The following NOC4L variants were observed in gnomAD, a reference collection of about 807,000 sequenced individuals.
The protein encoded by NOC4L is nucleolar complex protein 4 homolog.
A neutral mutation model predicts 62.8 loss-of-function variants in NOC4L; 40 were observed. The ratio of observed to expected loss-of-function variants is 0.64; its 90% CI spans 0.49 to 0.83. NOC4L has a LOEUF of 0.83. NOC4L is among the 40% of genes least tolerant of loss of function. The pLI, the probability that NOC4L is intolerant of heterozygous loss-of-function variation, is 0.00. For missense variants in NOC4L, 927 were observed against 701.9 expected, an observed-to-expected ratio of 1.32 and a Z score of -3.62; for synonymous variants, 433 against 299.8, an observed-to-expected ratio of 1.44 and a Z score of -4.59.
intron 3 of NOC4L, 121 bp from the exon 4 acceptor site, chr12:132,147,160 G>A: frequency 1.5e-6 from 1 of 659,634 alleles, no homozygotes; most frequent in Non-Finnish European, 2.4e-6. Flanking sequence ...AGCAAGAGAA[G>A]GCCCGGCCGC....
At position 132,152,426 on chromosome 12, in the gene NOC4L, T is replaced by C. The variant is rs1001292427; in HGVS notation, c.*25T>C. On this transcript the variant is annotated 3_prime_UTR_variant, in exon 15 of 15. Coordinates refer to ENST00000330579, the MANE Select transcript of NOC4L (RefSeq NM_024078.3). Reference sequence around the variant, plus strand: ...ACCCTGGCCCACCTGTGAATAAATCTCAGCTGACCCCAGCCCACCTGTGAA... The same window carrying C: ...ACCCTGGCCCACCTGTGAATAAATCCCAGCTGACCCCAGCCCACCTGTGAA... The C allele has an allele frequency of 6.4e-7, 1 of 1,560,492 alleles. No individual in the cohort carries two copies. The highest frequency in any genetic ancestry group is 1.8e-5 in the Admixed American group (1 of 56,434).
At chr12:132,144,801 G>A (rs1386386840) in intron 1 of NOC4L, 53 bp from the exon 2 acceptor site, 2 of 1,566,392 alleles carry the variant, frequency 1.3e-6, no homozygotes, top group Non-Finnish European at 8.6e-7. Context: ...AGCCTAGGCA[G>A]GGGCGAAGGT....
In NOC4L at chr12:132,145,585, A is replaced by G. The variant is rs776898752; in HGVS notation, c.265A>G (p.Lys89Glu). Residue 89 changes from lysine (K) to glutamate (E), a missense_variant, in exon 3 of 15, where the codon AAG (lysine) becomes GAG (glutamate). Transcript: ENST00000330579. ...TGSQGATRKY[K>E]VWMRHRYHSC... The stretch of plus-strand genomic sequence containing the variant: ...GTCCCAGGGAGCCACACGGAAGTAC[A>G]AGGTGTGGATGAGACACCGCTATCA... 1.9e-6 allele frequency: 3 copies of G among 1,613,066 alleles called. No homozygotes were observed. Among genetic ancestry groups the G allele is most frequent in the East Asian group, 2.2e-5 (1 of 44,862 alleles).
chr12:132,144,775 G>A, intron 1 of NOC4L, 79 bp from the exon 2 acceptor site: 1 of 1,530,242 alleles, frequency 6.5e-7, no homozygotes, highest in Non-Finnish European at 8.8e-7. Context: ...GAGGGGGAAG[G>A]GAACGGGTTG....
rs976124883 is a variant in NOC4L, at chr12:132,147,535, G to T, written c.454-98G>T. On this transcript the variant is annotated intron_variant, in intron 4 of 14. Transcript: ENST00000330579. ...CTCCTGTGGCCCACCCAACCAGGAG[G>T]AGTCTGCCTGGGGGGCTCGATGGGG... 54 of 1,508,660 alleles carry T rather than the reference G, an allele frequency of 3.6e-5. No homozygotes were observed. The Admixed American group carries it at 1.1e-3, about 30-fold the overall frequency. 93.5% of individuals were successfully genotyped at this position (1,508,660 alleles called of 1,614,324 possible). A position where few individuals can be genotyped will look rare whatever the true frequency, so the allele number is the denominator to read the frequency against.
chr12:132,152,256 G>T, intron 14 of NOC4L, 26 bp from the exon 15 acceptor site: 4 of 1,587,934 alleles, frequency 2.5e-6, no homozygotes, highest in Non-Finnish European at 3.4e-6. Flanking sequence ...CCAAGCCTGA[G>T]AGCCGCCGTG....
rs778433035 is a variant in NOC4L, at chr12:132,147,678, C to G, written c.499C>G (p.Leu167Val). The change falls in exon 5 of 15, where the codon CTC (leucine) becomes GTC (valine). Residue 167 changes from leucine (L) to valine (V), a missense_variant. Coordinates refer to ENST00000330579, the MANE Select transcript of NOC4L (RefSeq NM_024078.3). ...GTCTCCTGAGGAGGACCAGAGCCTG[C>G]TCCTGTCCCAGTTCCGGGAGTACCT... ...LLSPEEDQSL[L>V]LSQFREYLDY... 3 of 1,612,814 alleles carry G rather than the reference C, an allele frequency of 1.9e-6. No homozygotes were observed. Among genetic ancestry groups the G allele is most frequent in the Non-Finnish European group, 2.5e-6 (3 of 1,179,954 alleles).
chr12:132,151,265 C>G lies in NOC4L; in HGVS notation c.970C>G (p.Pro324Ala), dbSNP rs765951047. 8 of 1,611,562 alleles carry G rather than the reference C, an allele frequency of 5.0e-6. No individual in the cohort carries two copies. Among genetic ancestry groups the G allele is most frequent in the Non-Finnish European group, 5.9e-6 (7 of 1,179,768 alleles). The change falls in exon 11 of 15, where the codon CCT becomes GCT. Residue 324 changes from proline (P) to alanine (A), a missense_variant. Pro to Ala is a conservative substitution (Grantham distance 27, BLOSUM62 -1). Coordinates refer to ENST00000330579, the MANE Select transcript of NOC4L (RefSeq NM_024078.3). ...CTTCCCCCCGGCCCGCAGGGAGTAC[C>G]CTGACTTCTACCGGAAGCTCTACGG... ...ILIHKHNLEY[P>A]DFYRKLYGLL... is the part of the protein sequence containing the mutation.
At chr12:132,146,581 G>C (rs1205922054) in intron 3 of NOC4L, among the ~76,000 whole-genome samples, 4 of 152,172 alleles carry the variant, frequency 2.6e-5, no homozygotes, top group African/African-American at 9.7e-5. Context: ...CCCCCTGGCA[G>C]CATTTGAGAG....
chr12:132,146,257 G>A (rs979803625), intron 3 of NOC4L: 3 of 455,910 alleles, frequency 6.6e-6, no homozygotes, highest in Non-Finnish European at 1.3e-5. Context: ...TCATAAGGGG[G>A]ATCATACGGT....
rs199832336 is a variant in NOC4L at position 132,147,331 on chromosome 12, C to A, written c.396C>A (p.His132Gln). ...LLKFVQLEGA[H>Q]PLEKSKWEGN... ...AGTTCGTGCAGCTGGAAGGAGCGCACCCCCTGGAGAAGTCCAAGTGGGAAG... is the reference window on the plus strand; with the variant it reads ...AGTTCGTGCAGCTGGAAGGAGCGCAACCCCTGGAGAAGTCCAAGTGGGAAG... The change falls in exon 4 of 15, where the codon CAC becomes CAA. Residue 132 changes from histidine (H) to glutamine (Q), a missense_variant. Coordinates refer to ENST00000330579, the MANE Select transcript of NOC4L (RefSeq NM_024078.3). 4 of 1,594,424 alleles carry A rather than the reference C, an allele frequency of 2.5e-6. No homozygotes were observed. Among genetic ancestry groups the A allele is most frequent in the Non-Finnish European group, 2.6e-6 (3 of 1,170,328 alleles).
rs1159826611 is a variant in NOC4L, at chr12:132,152,303, A to C, written c.1453A>C (p.Lys485Gln). 5 of 1,561,074 alleles carry C rather than the reference A, an allele frequency of 3.2e-6. No homozygotes were observed. Among genetic ancestry groups the C allele is most frequent in the Non-Finnish European group, 3.5e-6 (4 of 1,153,276 alleles). ...AYEIFERDLK[K>Q]KGPEPVPLEF... Reference sequence around the variant, plus strand: ...GCAGATCTTTGAGCGGGACCTGAAGAAGAAGGGGCCCGAGCCGGTGCCACT... The same window carrying C: ...GCAGATCTTTGAGCGGGACCTGAAGCAGAAGGGGCCCGAGCCGGTGCCACT... Residue 485 changes from lysine (K) to glutamine (Q), a missense_variant, in exon 15 of 15, where the codon AAG becomes CAG. Physicochemically the swap from Lys to Gln is moderately conservative, Grantham distance 53. Transcript: ENST00000330579.
intron 3 of NOC4L, among the ~76,000 whole-genome samples, chr12:132,145,941 C>A (rs1190780011): frequency 6.6e-6 from 1 of 152,228 alleles, no homozygotes; most frequent in Non-Finnish European, 1.5e-5. Flanking sequence ...TGCCAGTCCA[C>A]AGATGTGTTT....
rs185086751 is a variant in NOC4L at position 132,147,888 on chromosome 12, C to G, written c.612C>G (p.Pro204=). The change falls in exon 6 of 15, where the codon CCC becomes CCG. Residue 204 remains proline (P), a synonymous_variant. Coordinates refer to ENST00000330579, the MANE Select transcript of NOC4L (RefSeq NM_024078.3). ...RVTGQHPEVP[P]AFWNNAFTLL... ...CAGGCCAGGCTCCGCAGGTGCCCCC[C>G]GCCTTTTGGAACAATGCCTTCACGC... 6.2e-7 allele frequency: 1 copy of G among 1,608,848 alleles called. No homozygotes were observed.
chr12:132,151,491 C>A lies in NOC4L; in HGVS notation c.1081C>A (p.Pro361Thr), dbSNP rs554287010. The change falls in exon 12 of 15, where the codon CCC becomes ACC. Residue 361 changes from proline (P) to threonine (T), a missense_variant. Coordinates refer to ENST00000330579, the MANE Select transcript of NOC4L (RefSeq NM_024078.3). ...ADLFLSSSHL[P>T]AYLVAAFAKR... ...AACCACTGCCCTGCCCAGCCACCTC[C>A]CCGCCTACCTGGTGGCCGCCTTCGC... is the stretch of plus-strand genomic sequence containing the variant. 2.5e-5 allele frequency: 40 copies of A among 1,602,668 alleles called. No individual in the cohort carries two copies. In the South Asian group the frequency reaches 3.8e-4, roughly 15 times the overall value.
In NOC4L at chr12:132,144,981, C is replaced by T. The variant is rs570672628; in HGVS notation, c.238+7C>T. 4.4e-6 allele frequency: 7 copies of T among 1,592,212 alleles called. No homozygotes were observed. The highest frequency in any genetic ancestry group is 2.3e-5 in the East Asian group (1 of 44,076). On this transcript the variant is annotated splice_region_variant and intron_variant, in intron 2 of 14. Coordinates refer to ENST00000330579, the MANE Select transcript of NOC4L (RefSeq NM_024078.3). ...GAGGAGATGGTCATGACAGGTGAGCCCTGGAGGGCCCCGGGGCTGCTCTTC... is the reference window on the plus strand; with the variant it reads ...GAGGAGATGGTCATGACAGGTGAGCTCTGGAGGGCCCCGGGGCTGCTCTTC...
rs577120175 is a variant in NOC4L at position 132,144,475 on chromosome 12, G to A, written c.-14G>A. On this transcript the variant is annotated 5_prime_UTR_variant, in exon 1 of 15. In the 5' UTR this introduces an upstream ATG that the reference lacks. Coordinates refer to ENST00000330579, the MANE Select transcript of NOC4L (RefSeq NM_024078.3). ...GGCGGCTGAGAATCCGCGTTGTTCC[G>A]TGTTGGGGGCGGCATGGAGCGGGAG... The A allele has an allele frequency of 6.6e-7, 1 of 1,517,568 alleles. No individual in the cohort carries two copies. The highest frequency in any genetic ancestry group is 1.3e-5 in the South Asian group (1 of 79,810). 94.0% of individuals were successfully genotyped at this position (1,517,568 alleles called of 1,614,324 possible).
At chr12:132,146,366 G>A (rs572789564) in intron 3 of NOC4L, 141 of 454,668 alleles carry the variant, frequency 3.1e-4, no homozygotes, top group Non-Finnish European at 3.1e-4. Context: ...TCAGCCGCTC[G>A]TAGGTTGCTG....
intron 8 of NOC4L, 49 bp from the exon 9 acceptor site, chr12:132,148,735 C>CCCGGGGGGGG: frequency 7.6e-7 from 1 of 1,309,288 alleles, no homozygotes; most frequent in Non-Finnish European, 1.0e-6. Flanking sequence ...CCCGACCCGC[C>CCCGGGGGGGG]GGCCCCCGCC....
Sources: allele counts gnomAD v4.1 joint callset (sites outside exome capture counted in the v4.1 genomes callset), GRCh38; gene constraint gnomAD v4.1.1; transcripts MANE v1.5; gene names NCBI Gene and HGNC (gene_info 2026-07-23, HGNC 2026-07-21).